Variants in XRRA1 observed in about 807,000 individuals in gnomAD.
XRRA1 encodes X-ray radiation resistance associated 1.
XRRA1 carries 69 observed loss-of-function variants against 80.2 expected under a neutral mutation model. The ratio of observed to expected loss-of-function variants is 0.86; its 90% CI spans 0.71 to 1.05. The LOEUF is 1.05. Among genes scored for constraint, XRRA1 ranks in the 50% least tolerant of loss-of-function variants. The pLI, the probability that XRRA1 is intolerant of heterozygous loss-of-function variation, is 0.00. For missense variants in XRRA1, 967 were observed against 976.4 expected (o/e 0.99, Z 0.13); for synonymous variants, 348 against 389.9 (o/e 0.89, Z 1.27).
At chr11:74,903,626 C>T (rs1256010845) in intron 10 of XRRA1, among the ~76,000 whole-genome samples, 1 of 152,130 alleles carries the variant, frequency 6.6e-6, no homozygotes, top group Non-Finnish European at 1.5e-5. Context: ...TGGCGAGAAC[C>T]CAGGAGGCAG....
At chr11:74,875,916 C>T (rs989625941) in intron 10 of XRRA1, among the ~76,000 whole-genome samples, 1 of 152,138 alleles carries the variant, frequency 6.6e-6, no homozygotes, top group African/African-American at 2.4e-5. Flanking sequence ...CCTCCTCAAA[C>T]CTAAAGGATG....
At chr11:74,884,905 C>CA (rs1565320058) in intron 10 of XRRA1, among the ~76,000 whole-genome samples, 1 of 152,096 alleles carries the variant, frequency 6.6e-6, no homozygotes, top group Admixed American at 6.5e-5. Context: ...CCAAAGCAAG[C>CA]AAAAAACAAG....
At chr11:74,940,420 T>C (rs548854068) in intron 3 of XRRA1, among the ~76,000 whole-genome samples, 1 of 152,192 alleles carries the variant, frequency 6.6e-6, no homozygotes, top group East Asian at 1.9e-4. Context: ...TGGGAAGAGT[T>C]TGGCTAACAA....
intron 4 of XRRA1, among the ~76,000 whole-genome samples, chr11:74,934,793 GA>G (rs1944527846): frequency 2.0e-5 from 3 of 152,038 alleles, no homozygotes. Flanking sequence ...ACGACAAATA[GA>G]AAGCAGATTT....
intron 3 of XRRA1, among the ~76,000 whole-genome samples, 157 bp from the exon 4 acceptor site, chr11:74,937,225 CCTAT>C (rs1227186368): frequency 6.6e-6 from 1 of 152,044 alleles, no homozygotes; most frequent in Non-Finnish European, 1.5e-5. Context: ...GAGATATCTA[CCTAT>C]CTATGTCATT....
chr11:74,879,183 C>A lies in XRRA1; in HGVS notation c.1004-16162G>T, dbSNP rs10899046. ...TCTCCTTGGAGAGGTCCTTCACATC[C>A]CTTGTAAGTTGGATTCCTAGGTATT... On this transcript the variant is annotated intron_variant, in intron 10 of 18. Transcript: ENST00000684022. 7.4e-5 allele frequency among the ~76,000 whole-genome samples: 11 copies of A among 149,242 alleles called. 1 individual carries two copies. Among genetic ancestry groups the A allele is most frequent in the African/African-American group, 2.0e-4 (8 of 39,694 alleles).
intron 7 of XRRA1, among the ~76,000 whole-genome samples, chr11:74,923,805 A>G (rs1941526567): frequency 6.6e-6 from 1 of 152,156 alleles, no homozygotes; most frequent in Non-Finnish European, 1.5e-5. Context: ...AAGCTGACCT[A>G]CTGCTATTTT....
chr11:74,871,943 C>CA (rs2044886732), intron 10 of XRRA1, among the ~76,000 whole-genome samples: 1 of 152,170 alleles, frequency 6.6e-6, no homozygotes, highest in Admixed American at 6.5e-5. Flanking sequence ...GCTCTGCATG[C>CA]ATCAGAGAAA....
chr11:74,860,413 A>G (rs1200174724), intron 11 of XRRA1, among the ~76,000 whole-genome samples: 1 of 152,242 alleles, frequency 6.6e-6, no homozygotes, highest in African/African-American at 2.4e-5. Flanking sequence ...GTCATACTGC[A>G]GTACAGAAAA....
Position 74,909,001 on chromosome 11 carries a change from CG to C in XRRA1, c.657-1729del, listed in dbSNP as rs527925862. Among the ~76,000 whole-genome samples the C allele has an allele frequency of 4.7e-3, 720 of 152,248 alleles. 11 individuals are homozygous for C. The highest frequency in any genetic ancestry group is 0.017 in the African/African-American group (686 of 41,536). ...GAGACAGAACTTCCAGGCTGCTCCA[CG>C]GTGCTCAGGGTCTATGTTCAGCATG... On this transcript the variant is annotated intron_variant, in intron 8 of 18. Coordinates refer to ENST00000684022, the MANE Select transcript of XRRA1 (RefSeq NM_001378157.1).
Position 74,854,230 on chromosome 11 carries a change from G to C in XRRA1, c.1171-2148C>G, listed in dbSNP as rs554096143. Among the ~76,000 whole-genome samples, 4 of 152,242 alleles carry C rather than the reference G, an allele frequency of 2.6e-5. No individual in the cohort carries two copies. In the South Asian group the frequency reaches 8.3e-4, roughly 32 times the overall value. Reference sequence around the variant, plus strand: ...ACACTGGTCTGGAATACAGAGGAGAGGTCTGCATTAGAGTTAGAAATTTTT... The same window carrying C: ...ACACTGGTCTGGAATACAGAGGAGACGTCTGCATTAGAGTTAGAAATTTTT... On this transcript the variant is annotated intron_variant, in intron 12 of 18. Transcript: ENST00000684022.
intron 10 of XRRA1, among the ~76,000 whole-genome samples, chr11:74,894,468 A>G (rs1286890216): frequency 1.3e-5 from 2 of 152,200 alleles, no homozygotes; most frequent in African/African-American, 4.8e-5. Context: ...AAGAAAATTG[A>G]CTCACAGTTC....
chr11:74,899,971 C>T (rs1000354914), intron 10 of XRRA1, among the ~76,000 whole-genome samples: 1 of 152,064 alleles, frequency 6.6e-6, no homozygotes, highest in Non-Finnish European at 1.5e-5. Flanking sequence ...ACTGACCAGC[C>T]TGGCCATCAT....
intron 10 of XRRA1, among the ~76,000 whole-genome samples, chr11:74,899,380 AAGT>A (rs1281224844): frequency 3.9e-5 from 6 of 152,154 alleles, no homozygotes; most frequent in Non-Finnish European, 7.4e-5. Context: ...CCAAACCCAA[AAGT>A]AGTAGAAGAA....
chr11:74,852,210 G>A, intron 12 of XRRA1, 128 bp from the exon 13 acceptor site: 1 of 723,566 alleles, frequency 1.4e-6, no homozygotes, highest in Non-Finnish European at 2.4e-6. Flanking sequence ...AAGACATGCT[G>A]CTGTGGATGG....
rs371145580 is a variant in XRRA1, at chr11:74,853,418, G to A, written c.1171-1336C>T. Among the ~76,000 whole-genome samples the A allele has an allele frequency of 1.4e-4, 21 of 152,314 alleles. No homozygotes were observed. In the East Asian group the frequency reaches 3.7e-3, roughly 27 times the overall value. On this transcript the variant is annotated intron_variant, in intron 12 of 18. Transcript: ENST00000684022. ...GTCACATGACCCAGTTCCAGCCAAC[G>A]CAACTTGGGCAGAAGTGGTAAATGC...
chr11:74,844,213 G>A lies in XRRA1; in HGVS notation c.1998C>T (p.Pro666=). The change falls in exon 17 of 19, where the codon CCC becomes CCT. Residue 666 remains proline (P), a synonymous_variant. Coordinates refer to ENST00000684022, the MANE Select transcript of XRRA1 (RefSeq NM_001378157.1). ...KHPLLCHSSK[P]KLDTLQKPYV... ...AGGGTTTCTGAAGAGTGTCCAGCTT[G>A]GGCTTGGAGGAGTGGCACAGGAGTG... 1.2e-6 allele frequency: 2 copies of A among 1,613,860 alleles called. No homozygotes were observed. The highest frequency in any genetic ancestry group is 1.7e-6 in the Non-Finnish European group (2 of 1,179,872).
At chr11:74,946,026 G>A (rs1947455587) in intron 1 of XRRA1, among the ~76,000 whole-genome samples, 1 of 151,812 alleles carries the variant, frequency 6.6e-6, no homozygotes, top group South Asian at 2.1e-4. Context: ...GCAGTGGCAT[G>A]ATCTCAGCTC....
intron 16 of XRRA1, among the ~76,000 whole-genome samples, chr11:74,844,745 G>T (rs1111425): frequency 0.022 from 3,337 of 152,326 alleles, 265 homozygotes; most frequent in Admixed American, 0.15. Flanking sequence ...AAAAGCTCAA[G>T]AATCTGGCCA....
Sources: gnomAD v4.1 joint callset for allele counts (sites outside exome capture counted in the v4.1 genomes callset) on GRCh38, gnomAD v4.1.1 for gene constraint, MANE v1.5 for transcripts, NCBI Gene and HGNC (gene_info 2026-07-23, HGNC 2026-07-21) for gene names.